The following RASEF variants were observed in gnomAD, a reference collection of about 807,000 sequenced individuals.
RASEF encodes RAS and EF-hand domain containing, also known as ras and EF-hand domain-containing protein.
Under a neutral mutation model 90.1 loss-of-function variants are expected in RASEF, and 68 were observed. That is an observed-to-expected ratio of 0.75 (90% CI 0.62 to 0.92). The LOEUF (loss-of-function observed/expected upper bound fraction) is 0.92, where lower values mean the gene tolerates loss of function less well. RASEF is among the 40% of genes least tolerant of loss of function. The probability of loss-of-function intolerance (pLI) is 0.00; values close to 1 mark genes in which losing one functional copy is unlikely to be tolerated. For missense variants in RASEF, 949 were observed against 937.2 expected (o/e 1.01, Z -0.16); for synonymous variants, 331 against 345.2 (o/e 0.96, Z 0.46).
the RASEF span, among the ~76,000 whole-genome samples, chr9:83,150,489 C>A: frequency 6.6e-6 from 1 of 152,128 alleles, no homozygotes; most frequent in South Asian, 2.1e-4. Context: ...GTGTCAGGAA[C>A]AGGAGACAAA....
At chr9:83,057,606 A>T (rs1037869816) in intron 1 of RASEF, among the ~76,000 whole-genome samples, 1 of 152,054 alleles carries the variant, frequency 6.6e-6, no homozygotes, top group African/African-American at 2.4e-5. Flanking sequence ...ACTTCCATAA[A>T]ACCTATGCCA....
chr9:83,027,174 A>C (rs1441084448), intron 1 of RASEF, among the ~76,000 whole-genome samples: 3 of 152,160 alleles, frequency 2.0e-5, no homozygotes, highest in East Asian at 1.9e-4. Flanking sequence ...GCACAGAACA[A>C]CACCCTCCCA....
chr9:83,061,374 C>G (rs1020856896), intron 1 of RASEF, among the ~76,000 whole-genome samples: 3 of 152,158 alleles, frequency 2.0e-5, no homozygotes, highest in African/African-American at 7.2e-5. Context: ...GGGATACTTC[C>G]TTTTCAATGT....
chr9:83,070,149 A>G, the RASEF span, among the ~76,000 whole-genome samples: 2 of 151,476 alleles, frequency 1.3e-5, no homozygotes, highest in Non-Finnish European at 2.9e-5. Flanking sequence ...ATGAAATTCA[A>G]CTTATCAGTT....
the RASEF span, among the ~76,000 whole-genome samples, chr9:83,106,834 T>C: frequency 6.6e-6 from 1 of 152,206 alleles, no homozygotes; most frequent in South Asian, 2.1e-4. Flanking sequence ...ATCAGCCTTC[T>C]AATTTCTTCA....
At chr9:83,145,878 C>G in the RASEF span, among the ~76,000 whole-genome samples, 1 of 152,068 alleles carries the variant, frequency 6.6e-6, no homozygotes, top group Non-Finnish European at 1.5e-5. Flanking sequence ...TAGAATCCTA[C>G]TTTCCATTAA....
intron 1 of RASEF, among the ~76,000 whole-genome samples, chr9:83,041,729 A>G (rs1200496521): frequency 6.6e-6 from 1 of 151,996 alleles, no homozygotes; most frequent in Non-Finnish European, 1.5e-5. Flanking sequence ...TTTTCATTTG[A>G]TTTTCTGCAG....
the RASEF span, among the ~76,000 whole-genome samples, chr9:83,119,148 C>T: frequency 4.1e-4 from 62 of 149,806 alleles, no homozygotes; most frequent in Non-Finnish European, 8.0e-4. Context: ...GCTGGGATTA[C>T]AGGCACATGC....
chr9:83,048,078 T>C, intron 1 of RASEF: 2 of 980,020 alleles, frequency 2.0e-6, no homozygotes, highest in Non-Finnish European at 2.4e-6. Flanking sequence ...CAGAGGCTCT[T>C]ACTGGCCGTA....
chr9:83,126,538 T>C, the RASEF span, among the ~76,000 whole-genome samples: 1 of 152,200 alleles, frequency 6.6e-6, no homozygotes, highest in South Asian at 2.1e-4. Context: ...GGACAGACAA[T>C]TGTGAGTATA....
rs1828572433 is a variant in RASEF at position 82,980,162 on chromosome 9, ATATCT to A, written c.*2510_*2514del. 1 of 152,214 alleles carries A rather than the reference ATATCT, an allele frequency of 6.6e-6. No homozygotes were observed. Among genetic ancestry groups the A allele is most frequent in the Admixed American group, 6.5e-5 (1 of 15,278 alleles). 9.4% of individuals were successfully genotyped at this position (152,214 alleles called of 1,614,324 possible). ...ACTGTAGTATAACTATGATTTTAAA[ATATCT>A]TAAAGAAAAACAGGGACAAGGTGAA... On this transcript the variant is annotated 3_prime_UTR_variant, in exon 17 of 17. Coordinates refer to ENST00000376447, the MANE Select transcript of RASEF (RefSeq NM_152573.4).
intron 1 of RASEF, among the ~76,000 whole-genome samples, chr9:83,058,276 G>A (rs1361220239): frequency 7.9e-6 from 1 of 126,688 alleles, no homozygotes; most frequent in Non-Finnish European, 1.6e-5. Flanking sequence ...TCCGCCTCCC[G>A]GGTTCACACC....
the RASEF span, among the ~76,000 whole-genome samples, chr9:83,181,668 T>A: frequency 6.6e-6 from 1 of 152,168 alleles, no homozygotes; most frequent in African/African-American, 2.4e-5. Context: ...AGAGCAGGCA[T>A]TTCTATGTGT....
intron 2 of RASEF, among the ~76,000 whole-genome samples, chr9:83,023,983 T>C (rs1282583815): frequency 6.6e-6 from 1 of 152,242 alleles, no homozygotes; most frequent in Admixed American, 6.5e-5. Flanking sequence ...CTGCCCACTG[T>C]GACCTAGTCC....
upstream of RASEF, among the ~76,000 whole-genome samples, chr9:83,064,731 G>A (rs1337761806): frequency 6.6e-6 from 1 of 152,088 alleles, no homozygotes; most frequent in Non-Finnish European, 1.5e-5. Flanking sequence ...TCTGTGACCT[G>A]CTTTGCCCTT....
the RASEF span, among the ~76,000 whole-genome samples, chr9:83,096,952 G>A: frequency 6.6e-6 from 1 of 152,044 alleles, no homozygotes; most frequent in Admixed American, 6.6e-5. Context: ...TCCCTACAAA[G>A]GACATGAACT....
the RASEF span, among the ~76,000 whole-genome samples, chr9:83,087,405 TTCTCTC>T: frequency 4.0e-4 from 46 of 115,516 alleles, no homozygotes; most frequent in African/African-American, 9.7e-4. Context: ...TTCTCATTCA[TTCTCTC>T]TCTCTCTCTC....
the RASEF span, among the ~76,000 whole-genome samples, chr9:83,164,237 A>C: frequency 1.3e-5 from 2 of 150,776 alleles, no homozygotes; most frequent in Admixed American, 6.6e-5. Context: ...GAAAAAATGA[A>C]GATAAAATAA....
the RASEF span, among the ~76,000 whole-genome samples, chr9:83,094,828 T>A: frequency 1.3e-5 from 2 of 152,354 alleles, no homozygotes; most frequent in African/African-American, 4.8e-5. Flanking sequence ...ACAAGGGACC[T>A]GGCTAATTAA....
Sources: gnomAD v4.1 joint callset for allele counts (sites outside exome capture counted in the v4.1 genomes callset) on GRCh38, gnomAD v4.1.1 for gene constraint, MANE v1.5 for transcripts, NCBI Gene and HGNC (gene_info 2026-07-23, HGNC 2026-07-21) for gene names.